The following EPHB1 variants were observed in gnomAD, a reference collection of about 807,000 sequenced individuals.
The protein encoded by EPHB1 is ephrin type-B receptor 1.
EPHB1 carries 30 observed loss-of-function variants against 94.4 expected under a neutral mutation model. The ratio of observed to expected loss-of-function variants is 0.32; its 90% confidence interval spans 0.24 to 0.43. The LOEUF (loss-of-function observed/expected upper bound fraction) is 0.43. Among genes scored for constraint, EPHB1 ranks in the 20% least tolerant of loss-of-function variants. EPHB1 has a pLI of 1.00. For missense variants in EPHB1, 1,055 were observed against 1,308.3 expected, an observed-to-expected ratio of 0.81 and a Z score of 2.99; for synonymous variants, 522 against 489.1, an observed-to-expected ratio of 1.07 and a Z score of -0.89.
chr3:134,811,163 C>T (rs960250461), intron 1 of EPHB1, among the ~76,000 whole-genome samples: 1 of 151,278 alleles, frequency 6.6e-6, no homozygotes, highest in Non-Finnish European at 1.5e-5. Context: ...TCCAGGTTCT[C>T]ACTATCACAG....
chr3:134,912,772 TG>T, intron 1 of EPHB1, among the ~76,000 whole-genome samples: 1 of 152,354 alleles, frequency 6.6e-6, no homozygotes, highest in South Asian at 2.1e-4. Flanking sequence ...GTTTGGCTCC[TG>T]CCTACAGATG....
At chr3:134,835,088 T>G (rs985591150) in intron 1 of EPHB1, among the ~76,000 whole-genome samples, 1 of 152,210 alleles carries the variant, frequency 6.6e-6, no homozygotes, top group African/African-American at 2.4e-5. Flanking sequence ...TTTCTTGGCT[T>G]CCACAAGGCA....
intron 11 of EPHB1, 135 bp from the exon 12 acceptor site, chr3:135,201,339 G>A: frequency 1.2e-6 from 1 of 801,488 alleles, no homozygotes; most frequent in Admixed American, 2.0e-5. Flanking sequence ...ATGGGAGTGG[G>A]AAGAGAGGAG....
intron 1 of EPHB1, among the ~76,000 whole-genome samples, chr3:134,808,565 C>T (rs975660667): frequency 7.9e-5 from 12 of 151,934 alleles, no homozygotes; most frequent in African/African-American, 1.7e-4. Flanking sequence ...ATTATGCAAC[C>T]GAGTAAGAGA....
chr3:135,054,079 A>G (rs996730316), intron 3 of EPHB1, among the ~76,000 whole-genome samples: 1 of 151,054 alleles, frequency 6.6e-6, no homozygotes, highest in Non-Finnish European at 1.5e-5. Flanking sequence ...ACATAGCATT[A>G]TTTATATGAC....
intron 11 of EPHB1, among the ~76,000 whole-genome samples, chr3:135,194,924 T>C (rs1942557578): frequency 1.3e-5 from 2 of 152,040 alleles, no homozygotes; most frequent in Non-Finnish European, 2.9e-5. Flanking sequence ...CTAGTCATCC[T>C]GTGTGTACAT....
chr3:134,870,415 A>G (rs1446913106), intron 1 of EPHB1, among the ~76,000 whole-genome samples: 1 of 152,238 alleles, frequency 6.6e-6, no homozygotes. Flanking sequence ...CCCAGATAGC[A>G]GAACAAAGCA....
rs1389207071 is a variant in EPHB1 at position 135,053,025 on chromosome 3, G to GTATATATATATATA, written c.806-53422_806-53421insATATATATATATAT. On this transcript the variant is annotated intron_variant, in intron 3 of 15. Transcript: ENST00000398015. ...TGTGTGTATATATATGTGTGTGTGT[G>GTATATATATATATA]TGTATATATATATATATATATATAT... 3.5e-3 allele frequency among the ~76,000 whole-genome samples: 317 copies of GTATATATATATATA among 90,594 alleles called. 5 individuals are homozygous for GTATATATATATATA. The highest frequency in any genetic ancestry group is 4.9e-3 in the African/African-American group (94 of 19,370). The allele number at this position is 90,594 out of a possible 152,430, so 59.4% of individuals were successfully genotyped here. A position where few individuals can be genotyped will look rare whatever the true frequency, so the allele number is the denominator to read the frequency against.
chr3:135,196,183 T>C (rs1301890245), intron 11 of EPHB1, among the ~76,000 whole-genome samples: 5 of 152,038 alleles, frequency 3.3e-5, no homozygotes, highest in African/African-American at 1.2e-4. Flanking sequence ...GATGGGGTTG[T>C]TTGTTTTTTT....
intron 1 of EPHB1, among the ~76,000 whole-genome samples, chr3:134,824,541 C>T (rs2036441718): frequency 6.6e-6 from 1 of 152,216 alleles, no homozygotes; most frequent in Admixed American, 6.5e-5. Context: ...TATCTCCCAT[C>T]CAACAAGCTC....
intron 3 of EPHB1, among the ~76,000 whole-genome samples, chr3:135,017,615 C>T (rs574449414): frequency 2.0e-5 from 3 of 152,228 alleles, no homozygotes; most frequent in East Asian, 1.9e-4. Context: ...CCCTCCCAGT[C>T]GTGGTTGGTG....
At chr3:134,999,921 C>G (rs1310719056) in intron 3 of EPHB1, among the ~76,000 whole-genome samples, 2 of 152,212 alleles carry the variant, frequency 1.3e-5, no homozygotes, top group African/African-American at 4.8e-5. Context: ...ACTTTTCTTG[C>G]AGGGTATTGC....
At chr3:135,045,835 T>C (rs1936982280) in intron 3 of EPHB1, among the ~76,000 whole-genome samples, 1 of 152,228 alleles carries the variant, frequency 6.6e-6, no homozygotes, top group South Asian at 2.1e-4. Flanking sequence ...TTTAATGCAA[T>C]ATTAATGCAA....
At chr3:135,050,700 G>A (rs1437523855) in intron 3 of EPHB1, among the ~76,000 whole-genome samples, 1 of 152,126 alleles carries the variant, frequency 6.6e-6, no homozygotes, top group Non-Finnish European at 1.5e-5. Context: ...TAATAAGTGA[G>A]TCCTCACTCT....
intron 12 of EPHB1, among the ~76,000 whole-genome samples, chr3:135,206,671 G>A (rs1942909721): frequency 6.6e-6 from 1 of 152,150 alleles, no homozygotes; most frequent in Non-Finnish European, 1.5e-5. Flanking sequence ...CCAACGTGGT[G>A]ACACCCCGCC....
At chr3:135,109,474 A>C (rs563810181) in intron 4 of EPHB1, among the ~76,000 whole-genome samples, 8 of 152,336 alleles carry the variant, frequency 5.3e-5, no homozygotes, top group African/African-American at 1.7e-4. Flanking sequence ...GTAAACTCTC[A>C]ATCGATGTTA....
In EPHB1 at chr3:135,249,523, C is replaced by T. The variant is rs766676900; in HGVS notation, c.2846+32C>T. On this transcript the variant is annotated intron_variant, in intron 15 of 15. Transcript: ENST00000398015. The stretch of plus-strand genomic sequence containing the variant: ...GATGAGAATCTCTCTGTCCAGACCA[C>T]ACCTAGGGGTCAGTGCTCCTTCCCT... 4.4e-6 allele frequency: 7 copies of T among 1,597,648 alleles called. No homozygotes were observed. In the African/African-American group the frequency reaches 6.7e-5, roughly 15 times the overall value.
intron 3 of EPHB1, among the ~76,000 whole-genome samples, chr3:135,041,344 C>CT (rs1482489546): frequency 6.6e-6 from 1 of 152,162 alleles, no homozygotes; most frequent in East Asian, 1.9e-4. Flanking sequence ...GGCACAGTGT[C>CT]TGGGGGGCCT....
intron 3 of EPHB1, among the ~76,000 whole-genome samples, chr3:134,952,978 C>G (rs1279185418): frequency 6.6e-6 from 1 of 152,152 alleles, no homozygotes; most frequent in Non-Finnish European, 1.5e-5. Context: ...TTGCTTGGAG[C>G]CTTCAAAGGT....
Sources: allele counts gnomAD v4.1 joint callset (sites outside exome capture counted in the v4.1 genomes callset), GRCh38; gene constraint gnomAD v4.1.1; transcripts MANE v1.5; gene names NCBI Gene and HGNC (gene_info 2026-07-23, HGNC 2026-07-21).